Variants in TRPM3 observed in about 807,000 individuals in gnomAD.
TRPM3 encodes the protein transient receptor potential cation channel subfamily M member 3, also known as long transient receptor potential channel 3.
A neutral mutation model predicts 181.2 loss-of-function variants in TRPM3; 77 were observed. The observed-to-expected ratio is 0.42, with a 90% CI of 0.35 to 0.51. TRPM3 has a LOEUF of 0.51. Ranked by LOEUF, TRPM3 falls within the 20% of genes least tolerant of loss-of-function variation. The pLI is 0.01. For synonymous variants in TRPM3, 745 were observed against 796.4 expected, an observed-to-expected ratio of 0.94 and a Z score of 1.09; for missense variants, 1,759 against 2,196.7, an observed-to-expected ratio of 0.80 and a Z score of 3.98.
intron 8 of TRPM3, among the ~76,000 whole-genome samples, chr9:70,742,837 A>G (rs2074408602): frequency 6.6e-6 from 1 of 152,162 alleles, no homozygotes; most frequent in East Asian, 1.9e-4. Context: ...GTCATTCCAC[A>G]CATGTATTAT....
chr9:71,391,524 T>G (rs1246670405), intron 1 of TRPM3, among the ~76,000 whole-genome samples: 2 of 152,070 alleles, frequency 1.3e-5, no homozygotes, highest in African/African-American at 4.8e-5. Flanking sequence ...AAATGACTTT[T>G]TAAGCTCAAT....
intron 8 of TRPM3, among the ~76,000 whole-genome samples, chr9:70,693,805 A>G (rs1178682020): frequency 1.3e-5 from 2 of 152,182 alleles, no homozygotes; most frequent in African/African-American, 4.8e-5. Flanking sequence ...TCTTACCCTT[A>G]TCTAACTTGG....
rs541783547 is a variant in TRPM3 at position 70,881,609 on chromosome 9, A to G, written c.178-17098T>C. On this transcript the variant is annotated intron_variant, in intron 1 of 25. Transcript: ENST00000677713. ...AAGCCTCTTAAGTTTGGTAAGTACC[A>G]TCGAGTGAGGTAGATTAGTGGGGTT... Among the ~76,000 whole-genome samples, 23 of 152,342 alleles carry G rather than the reference A, an allele frequency of 1.5e-4. No individual in the cohort carries two copies. In the South Asian group the frequency reaches 4.1e-3, roughly 27 times the overall value.
intron 21 of TRPM3, among the ~76,000 whole-genome samples, chr9:70,591,884 G>A (rs1207440036): frequency 6.6e-6 from 1 of 152,120 alleles, no homozygotes. Context: ...GTATCCCATT[G>A]GCTATGGAGG....
chr9:71,022,785 T>A (rs963305615), intron 1 of TRPM3, among the ~76,000 whole-genome samples: 25 of 152,284 alleles, frequency 1.6e-4, no homozygotes, highest in African/African-American at 6.0e-4. Context: ...TGTACACCTA[T>A]GTAACATACC....
At chr9:71,341,601 G>A (rs2090964281) in intron 1 of TRPM3, among the ~76,000 whole-genome samples, 1 of 151,246 alleles carries the variant, frequency 6.6e-6, no homozygotes, top group Admixed American at 6.6e-5. Flanking sequence ...ATAGGAGAAG[G>A]GTAAGACATG....
chr9:70,752,828 G>A (rs950326843), intron 8 of TRPM3, among the ~76,000 whole-genome samples: 15 of 152,212 alleles, frequency 9.9e-5, no homozygotes, highest in African/African-American at 3.6e-4. Flanking sequence ...ACACTCTATG[G>A]GCTGGGAGTG....
chr9:71,322,757 T>A (rs1279294577), intron 1 of TRPM3, among the ~76,000 whole-genome samples: 2 of 152,188 alleles, frequency 1.3e-5, no homozygotes, highest in East Asian at 3.8e-4. Flanking sequence ...AGTTCTCATG[T>A]ATTTTCAAAA....
chr9:71,143,502 C>CT (rs2075240750), intron 1 of TRPM3, among the ~76,000 whole-genome samples: 4 of 152,148 alleles, frequency 2.6e-5, no homozygotes, highest in Non-Finnish European at 2.9e-5. Flanking sequence ...ATTCATGTCC[C>CT]TGCAAGGGAC....
At chr9:71,160,199 C>T (rs1227284990) in intron 1 of TRPM3, among the ~76,000 whole-genome samples, 2 of 152,048 alleles carry the variant, frequency 1.3e-5, no homozygotes, top group Admixed American at 6.6e-5. Context: ...TCTGTCATCC[C>T]TTTCAAATCT....
At chr9:70,991,087 G>T (rs888173402) in intron 1 of TRPM3, among the ~76,000 whole-genome samples, 2 of 152,050 alleles carry the variant, frequency 1.3e-5, no homozygotes, top group Non-Finnish European at 2.9e-5. Context: ...CTTTCTAATT[G>T]CTTGCCCTTC....
chr9:70,978,338 C>G (rs78298557), intron 1 of TRPM3, among the ~76,000 whole-genome samples: 2,010 of 152,316 alleles, frequency 0.013, 29 homozygotes, highest in East Asian at 0.077. Context: ...GTGAGCAAAG[C>G]ACATGCAATT....
intron 1 of TRPM3, among the ~76,000 whole-genome samples, chr9:71,039,939 TATA>T (rs1205269363): frequency 6.6e-6 from 1 of 152,210 alleles, no homozygotes; most frequent in African/African-American, 2.4e-5. Flanking sequence ...GGTTCAAAAT[TATA>T]ATATTTGATA....
At chr9:71,341,766 A>C (rs1398151362) in intron 1 of TRPM3, among the ~76,000 whole-genome samples, 2 of 152,028 alleles carry the variant, frequency 1.3e-5, no homozygotes, top group African/African-American at 2.4e-5. Context: ...TAGTTTTGAT[A>C]ATTTTCCTAT....
chr9:71,419,897 C>T (rs2093699428), intron 1 of TRPM3, among the ~76,000 whole-genome samples: 2 of 151,856 alleles, frequency 1.3e-5, no homozygotes, highest in South Asian at 4.1e-4. Context: ...GGTTCAGATA[C>T]ATATCTCAGG....
chr9:70,853,635 AACCTCTTTTG>A (rs2095305231), intron 3 of TRPM3, among the ~76,000 whole-genome samples: 1 of 152,216 alleles, frequency 6.6e-6, no homozygotes, highest in South Asian at 2.1e-4. Context: ...TCAATTACCT[AACCTCTTTTG>A]ACCAGTACTA....
intron 1 of TRPM3, among the ~76,000 whole-genome samples, chr9:71,427,327 G>T (rs11142822): frequency 0.15 from 23,309 of 152,064 alleles, 2,205 homozygotes; most frequent in African/African-American, 0.27. Context: ...TGTTAAAAAT[G>T]CAAATTCTCA....
At chr9:70,580,277 C>T (rs2055286841) in intron 22 of TRPM3, among the ~76,000 whole-genome samples, 1 of 152,200 alleles carries the variant, frequency 6.6e-6, no homozygotes, top group African/African-American at 2.4e-5. Context: ...AGGGGCTCCA[C>T]ACAAGGCGAC....
intron 25 of TRPM3, among the ~76,000 whole-genome samples, chr9:70,548,462 C>T (rs72718949): frequency 0.031 from 4,762 of 152,204 alleles, 100 homozygotes; most frequent in Non-Finnish European, 0.05. Context: ...TTAGGTAATT[C>T]CTACAGAGCC....
Sources: allele counts gnomAD v4.1 joint callset (sites outside exome capture counted in the v4.1 genomes callset), GRCh38; gene constraint gnomAD v4.1.1; transcripts MANE v1.5; gene names NCBI Gene and HGNC (gene_info 2026-07-23, HGNC 2026-07-21).